The following CRYBG1 variants were observed in gnomAD, a reference collection of about 807,000 sequenced individuals.
The protein encoded by CRYBG1 is crystallin beta-gamma domain containing 1.
A neutral mutation model predicts 189.2 loss-of-function variants in CRYBG1; 139 were observed. The ratio of observed to expected loss-of-function variants is 0.73; its 90% CI spans 0.64 to 0.85. The LOEUF is 0.85. Ranked by LOEUF, CRYBG1 falls within the 40% of genes least tolerant of loss-of-function variation. CRYBG1 has a pLI of 0.00. For missense variants in CRYBG1, 2,611 were observed against 2,675.8 expected (o/e 0.98, Z 0.53); for synonymous variants, 1,023 against 1,017.1 (o/e 1.01, Z -0.11).
chr6:106,528,189 G>A (rs1218580642), intron 7 of CRYBG1, among the ~76,000 whole-genome samples: 5 of 152,156 alleles, frequency 3.3e-5, no homozygotes, highest in East Asian at 1.9e-4. Flanking sequence ...GGAAAGCATC[G>A]CTTACTTCCT....
At chr6:106,544,145 C>A (rs918150974) in intron 11 of CRYBG1, among the ~76,000 whole-genome samples, 1 of 152,200 alleles carries the variant, frequency 6.6e-6, no homozygotes, top group Non-Finnish European at 1.5e-5. Flanking sequence ...TTTGATAGTT[C>A]GCTTTCTGAT....
intron 1 of CRYBG1, among the ~76,000 whole-genome samples, chr6:106,422,340 A>ATTTTTTTT (rs747540246): frequency 2.5e-4 from 17 of 68,338 alleles, no homozygotes; most frequent in African/African-American, 6.9e-4. Flanking sequence ...TTATTTATTT[A>ATTTTTTTT]TTTATTTTTG....
chr6:106,377,790 G>T (rs1770201980), intron 1 of CRYBG1, among the ~76,000 whole-genome samples: 2 of 151,872 alleles, frequency 1.3e-5, no homozygotes, highest in South Asian at 4.2e-4. Flanking sequence ...CCTACCACAG[G>T]TATAAATAAG....
At chr6:106,381,286 G>A (rs898206243) in intron 1 of CRYBG1, among the ~76,000 whole-genome samples, 1 of 152,132 alleles carries the variant, frequency 6.6e-6, no homozygotes, top group Non-Finnish European at 1.5e-5. Flanking sequence ...ATAGCATATT[G>A]CTTTCTTTAC....
At chr6:106,553,653 G>T in intron 16 of CRYBG1, 86 bp downstream of exon 16, 1 of 917,074 alleles carries the variant, frequency 1.1e-6, no homozygotes, top group Admixed American at 2.0e-5. Context: ...ATGCCTGTTA[G>T]GTGCTTGGCA....
intron 2 of CRYBG1, among the ~76,000 whole-genome samples, chr6:106,474,671 C>T (rs1450226195): frequency 1.3e-5 from 2 of 152,098 alleles, no homozygotes; most frequent in East Asian, 3.9e-4. Context: ...AGAGAGGTGA[C>T]CAAGGGGAGG....
intron 3 of CRYBG1, among the ~76,000 whole-genome samples, chr6:106,516,758 G>A (rs1302838858): frequency 6.6e-6 from 1 of 152,190 alleles, no homozygotes; most frequent in Admixed American, 6.5e-5. Flanking sequence ...TAGTATAGTG[G>A]TTGGGAGCAT....
rs139421949 is a variant in CRYBG1, at chr6:106,555,551, T to A, written c.5586-217T>A. ...TCAGAAAGAACGTGGAGAAAGAAGTTTGTTTCCCAAATGCAAAGTTAACTG... is the reference window on the plus strand; with the variant it reads ...TCAGAAAGAACGTGGAGAAAGAAGTATGTTTCCCAAATGCAAAGTTAACTG... On this transcript the variant is annotated intron_variant, in intron 16 of 21. Coordinates refer to ENST00000633556, the MANE Select transcript of CRYBG1 (RefSeq NM_001371242.2). Among the ~76,000 whole-genome samples, 492 of 152,284 alleles carry A rather than the reference T, an allele frequency of 3.2e-3. 2 individuals are homozygous for A. The highest frequency in any genetic ancestry group is 0.01 in the Middle Eastern group (3 of 294).
At chr6:106,510,328 C>T (rs962423599) in intron 2 of CRYBG1, among the ~76,000 whole-genome samples, 3 of 152,238 alleles carry the variant, frequency 2.0e-5, no homozygotes, top group Admixed American at 6.5e-5. Context: ...CTATGCCCCG[C>T]ACCTACCCAG....
At chr6:106,502,678 T>G (rs1201445950) in intron 2 of CRYBG1, among the ~76,000 whole-genome samples, 1 of 152,206 alleles carries the variant, frequency 6.6e-6, no homozygotes, top group Non-Finnish European at 1.5e-5. Context: ...GGGGTACTTG[T>G]TAGTCATAAT....
At chr6:106,494,819 A>G (rs1216279760) in intron 2 of CRYBG1, among the ~76,000 whole-genome samples, 1 of 152,198 alleles carries the variant, frequency 6.6e-6, no homozygotes, top group Non-Finnish European at 1.5e-5. Flanking sequence ...TGTAGTTTGT[A>G]GTGTATAATG....
chr6:106,462,443 G>T (rs547043394), intron 2 of CRYBG1, among the ~76,000 whole-genome samples: 68 of 152,350 alleles, frequency 4.5e-4, no homozygotes, highest in African/African-American at 1.6e-3. Context: ...ACAGGCGTGA[G>T]CCACCGCGCC....
chr6:106,394,800 T>A (rs1770573431), intron 1 of CRYBG1, among the ~76,000 whole-genome samples: 1 of 151,794 alleles, frequency 6.6e-6, no homozygotes. Context: ...TATCCTTTAG[T>A]AGGTAGTGCA....
At chr6:106,528,012 G>T (rs1773793460) in intron 7 of CRYBG1, among the ~76,000 whole-genome samples, 1 of 152,130 alleles carries the variant, frequency 6.6e-6, no homozygotes, top group South Asian at 2.1e-4. Flanking sequence ...TTTCTTTGTG[G>T]CTCTTAGGAT....
intron 2 of CRYBG1, among the ~76,000 whole-genome samples, chr6:106,491,030 G>T (rs988060038): frequency 2.0e-5 from 3 of 152,210 alleles, no homozygotes; most frequent in Admixed American, 6.5e-5. Flanking sequence ...GAATTTCATT[G>T]GTTTGTTTAA....
chr6:106,512,134 G>T lies in CRYBG1; in HGVS notation c.1017G>T (p.Ala339=), dbSNP rs750828210. The change falls in exon 3 of 22, where the codon GCG becomes GCT. Residue 339 remains alanine (A), a synonymous_variant. Transcript: ENST00000633556. ...RNARSQPPKG[A]SDLPGEPPAE... ...CCCGCAGCCAGCCCCCCAAGGGCGC[G>T]TCTGATTTGCCAGGTGAGCCTCCGG... 118 of 1,534,316 alleles carry T rather than the reference G, an allele frequency of 7.7e-5. No homozygotes were observed. Among genetic ancestry groups the T allele is most frequent in the Admixed American group, 3.7e-4 (19 of 50,904 alleles).
Position 106,377,621 on chromosome 6 carries a change from T to TTATATATATATATATATATATA in CRYBG1, c.173+16546_173+16567dup, listed in dbSNP as rs373644273. On this transcript the variant is annotated intron_variant, in intron 1 of 21. Coordinates refer to ENST00000633556, the MANE Select transcript of CRYBG1 (RefSeq NM_001371242.2). ...TGTGTAACTCATAAGTCCTAAGGTT[T>TTATATATATATATATATATATA]TATATATATATATATATATATATAT... Among the ~76,000 whole-genome samples, 248 of 69,420 alleles carry TTATATATATATATATATATATA rather than the reference T, an allele frequency of 3.6e-3. 12 individuals carry two copies. The highest frequency in any genetic ancestry group is 7.0e-3 in the African/African-American group (195 of 28,014). The allele number at this position is 69,420 out of a possible 152,430, so 45.5% of individuals were successfully genotyped here. A position where few individuals can be genotyped will look rare whatever the true frequency, so the allele number is the denominator to read the frequency against.
At position 106,568,626 on chromosome 6, in the gene CRYBG1, A is replaced by C. The variant is rs371899624; in HGVS notation, c.*60A>C. The stretch of plus-strand genomic sequence containing the variant: ...CCAGCCACCTTATTTCTTAAAAAGG[A>C]CAATGCTGATGGAAGACCAGACTGG... On this transcript the variant is annotated 3_prime_UTR_variant, in exon 22 of 22. Transcript: ENST00000633556. The C allele has an allele frequency of 6.9e-5, 90 of 1,311,642 alleles. No homozygotes were observed. In the African/African-American group the frequency reaches 1.1e-3, roughly 16 times the overall value. The allele number at this position is 1,311,642 out of a possible 1,614,324, so 81.3% of individuals were successfully genotyped here.
At chr6:106,430,148 G>T (rs1771298485) in intron 1 of CRYBG1, among the ~76,000 whole-genome samples, 1 of 152,088 alleles carries the variant, frequency 6.6e-6, no homozygotes, top group African/African-American at 2.4e-5. Flanking sequence ...ATTGATTTTA[G>T]ACTGGGCATG....
Sources: allele counts gnomAD v4.1 joint callset (sites outside exome capture counted in the v4.1 genomes callset), GRCh38; gene constraint gnomAD v4.1.1; transcripts MANE v1.5; gene names NCBI Gene and HGNC (gene_info 2026-07-23, HGNC 2026-07-21).